The following DIP2B variants were observed in gnomAD, a reference collection of about 807,000 sequenced individuals.
The protein encoded by DIP2B is disco-interacting protein 2 homolog B.
Under a neutral mutation model 198.0 loss-of-function variants are expected in DIP2B, and 76 were observed. That is an observed-to-expected ratio of 0.38 (90% CI 0.32 to 0.46). The LOEUF (loss-of-function observed/expected upper bound fraction) is 0.46. Among genes scored for constraint, DIP2B ranks in the 20% least tolerant of loss-of-function variants. The pLI is 0.99. For synonymous variants in DIP2B, 701 were observed against 739.1 expected (o/e 0.95, Z 0.84); for missense variants, 1,559 against 1,978.4 (o/e 0.79, Z 4.02).
chr12:50,591,697 C>T (rs781086397), intron 1 of DIP2B, among the ~76,000 whole-genome samples: 7 of 151,538 alleles, frequency 4.6e-5, no homozygotes, highest in Non-Finnish European at 1.0e-4. Context: ...TGGACTAAAG[C>T]GGTCATCCCA....
At chr12:50,703,920 TTA>T (rs373403251) in intron 19 of DIP2B, among the ~76,000 whole-genome samples, 2 of 150,236 alleles carry the variant, frequency 1.3e-5, no homozygotes. Context: ...TACATATTTT[TTA>T]TATGTTTTAT....
chr12:50,698,934 A>C, intron 18 of DIP2B, 132 bp from the exon 19 acceptor site: 3 of 957,432 alleles, frequency 3.1e-6, no homozygotes, highest in Non-Finnish European at 4.6e-6. Flanking sequence ...TATGTTTAGC[A>C]TTCCTGTCTG....
intron 1 of DIP2B, among the ~76,000 whole-genome samples, chr12:50,569,503 T>C (rs192378644): frequency 1.3e-5 from 2 of 152,334 alleles, no homozygotes; most frequent in East Asian, 3.9e-4. Flanking sequence ...GAATTGTTCG[T>C]TGGGCTCCTT....
chr12:50,648,217 A>G (rs756766597), intron 3 of DIP2B, among the ~76,000 whole-genome samples: 14 of 152,230 alleles, frequency 9.2e-5, no homozygotes, highest in African/African-American at 2.9e-4. Context: ...TGAGAAAACA[A>G]ATGTTTCAGT....
intron 1 of DIP2B, among the ~76,000 whole-genome samples, chr12:50,622,330 A>G (rs1937829698): frequency 6.6e-6 from 1 of 152,232 alleles, no homozygotes; most frequent in African/African-American, 2.4e-5. Context: ...ACAAAAATTC[A>G]GTTTCTGTAT....
chr12:50,743,979 C>T (rs1592151978), intron 37 of DIP2B, among the ~76,000 whole-genome samples: 1 of 152,192 alleles, frequency 6.6e-6, no homozygotes, highest in East Asian at 1.9e-4. Context: ...TATTCAAATC[C>T]ATGTCACTGG....
intron 1 of DIP2B, among the ~76,000 whole-genome samples, chr12:50,551,558 C>T (rs991426322): frequency 1.3e-5 from 2 of 152,182 alleles, no homozygotes; most frequent in Non-Finnish European, 2.9e-5. Context: ...ATCCTCCAAC[C>T]TCACCCTCAC....
intron 1 of DIP2B, among the ~76,000 whole-genome samples, chr12:50,535,659 C>T (rs1166168797): frequency 6.6e-6 from 1 of 151,828 alleles, no homozygotes; most frequent in East Asian, 1.9e-4. Context: ...ATGTGAACCA[C>T]CACGTCTGGC....
chr12:50,720,416 C>T (rs1232167111), intron 25 of DIP2B, among the ~76,000 whole-genome samples: 10 of 150,046 alleles, frequency 6.7e-5, no homozygotes, highest in African/African-American at 2.5e-4. Context: ...CTCCATCCCC[C>T]TGGAATCTGA....
intron 1 of DIP2B, among the ~76,000 whole-genome samples, chr12:50,565,482 G>C (rs1273873693): frequency 6.6e-6 from 1 of 152,136 alleles, no homozygotes; most frequent in Non-Finnish European, 1.5e-5. Flanking sequence ...ATTTTTAGTA[G>C]AGACGGGGTT....
At chr12:50,623,670 G>T (rs544160600) in intron 1 of DIP2B, among the ~76,000 whole-genome samples, 1 of 152,212 alleles carries the variant, frequency 6.6e-6, no homozygotes, top group Non-Finnish European at 1.5e-5. Flanking sequence ...ATCAGATGAT[G>T]TTATACCTAC....
At position 50,739,582 on chromosome 12, in the gene DIP2B, T is replaced by C. The variant is rs1940202965; in HGVS notation, c.4350T>C (p.Thr1450=). ...GCCGGACCGAGCTCACAGCGGCCAC[T>C]GGAGGTACTTCTGCAACAACTCCCC... The part of the protein sequence containing the change: ...FVRRTELTAA[T]GERHDALYVV... Residue 1450 remains threonine, a synonymous_variant, in exon 36 of 38, where the codon ACT becomes ACC. Transcript: ENST00000301180. 1 of 1,613,290 alleles carries C rather than the reference T, an allele frequency of 6.2e-7. No individual in the cohort carries two copies. The highest frequency in any genetic ancestry group is 8.5e-7 in the Non-Finnish European group (1 of 1,179,308).
rs186708883 is a variant in DIP2B at position 50,702,646 on chromosome 12, G to A, written c.2326-1494G>A. Among the ~76,000 whole-genome samples, 490 of 148,628 alleles carry A rather than the reference G, an allele frequency of 3.3e-3. 2 individuals are homozygous for A. The highest frequency in any genetic ancestry group is 0.012 in the African/African-American group (470 of 40,536). Reference sequence around the variant, plus strand: ...TGTGACACGGGGGATCACATGGGCCGAGGAGTTCAAGGCTGTACTGAACCA... The same window carrying A: ...TGTGACACGGGGGATCACATGGGCCAAGGAGTTCAAGGCTGTACTGAACCA... On this transcript the variant is annotated intron_variant, in intron 19 of 37. Coordinates refer to ENST00000301180, the MANE Select transcript of DIP2B (RefSeq NM_173602.3).
rs17124915 is a variant in DIP2B, at chr12:50,699,270, C to A, written c.2325+68C>A. The A allele has an allele frequency of 1.8e-3, 2,926 of 1,592,584 alleles. 60 individuals are homozygous for A. The African/African-American group carries it at 0.036, about 19-fold the overall frequency. On this transcript the variant is annotated intron_variant, in intron 19 of 37. Transcript: ENST00000301180. ...TCAGGATGTTACGAGGGCAGATCCCCTGGTTGATGGGACATAGCATAACAT... is the reference window on the plus strand; with the variant it reads ...TCAGGATGTTACGAGGGCAGATCCCATGGTTGATGGGACATAGCATAACAT...
chr12:50,735,151 TGGGGAA>T, intron 34 of DIP2B, 21 bp downstream of exon 34: 1 of 1,613,844 alleles, frequency 6.2e-7, no homozygotes, highest in Non-Finnish European at 8.5e-7. Context: ...CTGTTGACCA[TGGGGAA>T]GGTGGGCTGT....
intron 18 of DIP2B, 85 bp downstream of exon 18, chr12:50,698,552 C>A: frequency 1.3e-6 from 2 of 1,493,146 alleles, no homozygotes; most frequent in Admixed American, 2.1e-5. Flanking sequence ...GAATCCCAAA[C>A]GAGGAACCCT....
chr12:50,714,598 T>A lies in DIP2B; in HGVS notation c.2851+2T>A. ...CAAAGCCCCGGCAAAAACAACCAGG[T>A]AATATGCTGGCTTCCAAGACCTGGC... On this transcript the variant is annotated splice_donor_variant, in intron 23 of 37. Transcript: ENST00000301180. LOFTEE classifies it high-confidence loss of function. 1 of 1,613,944 alleles carries A rather than the reference T, an allele frequency of 6.2e-7. No homozygotes were observed. Among genetic ancestry groups the A allele is most frequent in the Non-Finnish European group, 8.5e-7 (1 of 1,179,888 alleles).
chr12:50,646,218 G>T (rs573067690), intron 3 of DIP2B, among the ~76,000 whole-genome samples: 1 of 151,812 alleles, frequency 6.6e-6, no homozygotes, highest in African/African-American at 2.4e-5. Flanking sequence ...CCGCCTCCTG[G>T]GTTCAAGTGA....
chr12:50,603,491 CA>C (rs1958956362), intron 1 of DIP2B, among the ~76,000 whole-genome samples: 1 of 152,042 alleles, frequency 6.6e-6, no homozygotes. Context: ...ATAATCCTAG[CA>C]CTTTGGGAGG....
Sources: allele counts gnomAD v4.1 joint callset (sites outside exome capture counted in the v4.1 genomes callset), GRCh38; gene constraint gnomAD v4.1.1; transcripts MANE v1.5; gene names NCBI Gene and HGNC (gene_info 2026-07-23, HGNC 2026-07-21).